ITGB1BP1: variants seen among roughly 807,000 people sequenced by gnomAD.
ITGB1BP1 encodes integrin beta-1-binding protein 1.
In ITGB1BP1, 20 loss-of-function variants were observed where a neutral mutation model predicts 28.0. The ratio of observed to expected loss-of-function variants is 0.71; its 90% CI spans 0.50 to 1.04. ITGB1BP1 has a LOEUF of 1.04. ITGB1BP1 is among the 50% of genes least tolerant of loss of function. The pLI is 0.00. For synonymous variants in ITGB1BP1, 103 were observed against 89.5 expected (o/e 1.15, Z -0.85); for missense variants, 228 against 242.5 (o/e 0.94, Z 0.40).
intron 2 of ITGB1BP1, among the ~76,000 whole-genome samples, chr2:9,416,747 G>A (rs530401206): frequency 3.9e-5 from 6 of 152,298 alleles, no homozygotes; most frequent in African/African-American, 1.4e-4. Context: ...AGCAGTATCT[G>A]TCATTACCTC....
At position 9,405,858 on chromosome 2, in the gene ITGB1BP1, A is replaced by G. The variant is rs906467558; in HGVS notation, c.*976T>C. On this transcript the variant is annotated 3_prime_UTR_variant, in exon 7 of 7. Transcript: ENST00000355346. ...GGCCAGCATGTTATCTTGACCAGAC[A>G]CTTCTGAAAATCTGCTTTGTGTGTC... is the stretch of plus-strand genomic sequence containing the variant. The G allele has an allele frequency of 6.6e-6, 1 of 152,194 alleles. No homozygotes were observed. Among genetic ancestry groups the G allele is most frequent in the Non-Finnish European group, 1.5e-5 (1 of 68,048 alleles). The allele number at this position is 152,194 out of a possible 1,614,324, so 9.4% of individuals were successfully genotyped here. A position where few individuals can be genotyped will look rare whatever the true frequency, so the allele number is the denominator to read the frequency against.
intron 4 of ITGB1BP1, among the ~76,000 whole-genome samples, chr2:9,410,832 T>C (rs1678273703): frequency 6.6e-6 from 1 of 152,020 alleles, no homozygotes; most frequent in Non-Finnish European, 1.5e-5. Flanking sequence ...CTACTCTGCC[T>C]CCCCCAAAAT....
intron 1 of ITGB1BP1, chr2:9,420,063 T>C: frequency 1.0e-6 from 1 of 984,482 alleles, no homozygotes; most frequent in Non-Finnish European, 1.2e-6. Flanking sequence ...TTTCCTTTCA[T>C]TCTGACCTGG....
chr2:9,407,967 T>C lies in ITGB1BP1; in HGVS notation c.381+146A>G, dbSNP rs141726391. On this transcript the variant is annotated intron_variant, in intron 5 of 6. Transcript: ENST00000355346. ...GGAAGCCCCTATTCACCTTAAGAAATTGGTCACGTTTAAGACCAACTGCCA... is the reference window on the plus strand; with the variant it reads ...GGAAGCCCCTATTCACCTTAAGAAACTGGTCACGTTTAAGACCAACTGCCA... 1.5e-4 allele frequency: 89 copies of C among 608,334 alleles called. No individual in the cohort carries two copies. In the Middle Eastern group the frequency reaches 1.8e-3, roughly 12 times the overall value. 37.7% of individuals were successfully genotyped at this position (608,334 alleles called of 1,614,324 possible). A position where few individuals can be genotyped will look rare whatever the true frequency, so the allele number is the denominator to read the frequency against.
At chr2:9,413,489 C>T (rs951175549) in intron 3 of ITGB1BP1, among the ~76,000 whole-genome samples, 49 of 152,038 alleles carry the variant, frequency 3.2e-4, no homozygotes, top group African/African-American at 9.9e-4. Context: ...CCACCACGCC[C>T]GGCTAATTTT....
intron 5 of ITGB1BP1, 175 bp downstream of exon 5, chr2:9,407,938 A>G: frequency 1.7e-6 from 1 of 588,960 alleles, no homozygotes; most frequent in Non-Finnish European, 3.0e-6. Flanking sequence ...CACAGGAGAG[A>G]AAAGGAAGCC....
chr2:9,406,724 C>T lies in ITGB1BP1; in HGVS notation c.*110G>A, dbSNP rs1186946118. The T allele has an allele frequency of 5.1e-6, 4 of 783,132 alleles. No homozygotes were observed. Among genetic ancestry groups the T allele is most frequent in the Middle Eastern group, 2.3e-4 (1 of 4,356 alleles). 48.5% of individuals were successfully genotyped at this position (783,132 alleles called of 1,614,324 possible). On this transcript the variant is annotated 3_prime_UTR_variant, in exon 7 of 7. Transcript: ENST00000355346. The stretch of plus-strand genomic sequence containing the variant: ...AGCATTTTACACAATCCATTTTCTT[C>T]AGAAAATCTAGAGCAAGGGATAACT...
At chr2:9,407,371 C>T (rs1677621886) in intron 6 of ITGB1BP1, 78 bp downstream of exon 6, 2 of 1,487,174 alleles carry the variant, frequency 1.3e-6, no homozygotes, top group Non-Finnish European at 9.3e-7. Flanking sequence ...GATTGTATTT[C>T]TTCAGCCTTC....
At chr2:9,410,814 T>A (rs536094110) in intron 4 of ITGB1BP1, among the ~76,000 whole-genome samples, 1 of 152,118 alleles carries the variant, frequency 6.6e-6, no homozygotes, top group Non-Finnish European at 1.5e-5. Context: ...TGGGTTCAGG[T>A]GATCCCCCTA....
chr2:9,406,985 C>T (rs1677503601), intron 6 of ITGB1BP1, 80 bp from the exon 7 acceptor site: 2 of 1,049,376 alleles, frequency 1.9e-6, no homozygotes, highest in Admixed American at 1.7e-5. Flanking sequence ...GAGGCACACA[C>T]CTGACCCTCT....
chr2:9,408,033 C>T (rs1677778863), intron 5 of ITGB1BP1, 80 bp downstream of exon 5: 1 of 786,074 alleles, frequency 1.3e-6, no homozygotes, highest in South Asian at 1.6e-5. Context: ...CAGGAGTGGC[C>T]CTAATTATAA....
intron 3 of ITGB1BP1, among the ~76,000 whole-genome samples, chr2:9,413,001 C>T (rs763918459): frequency 9.9e-5 from 15 of 152,226 alleles, no homozygotes; most frequent in South Asian, 2.1e-4. Context: ...ATTCTCTTAA[C>T]GTAACAGCAA....
At chr2:9,422,337 T>C (rs1293442514) in intron 1 of ITGB1BP1, 9 of 924,292 alleles carry the variant, frequency 9.7e-6, no homozygotes, top group Non-Finnish European at 1.2e-5. Flanking sequence ...ACCTTTCCAC[T>C]TCCATCCTCC....
intron 2 of ITGB1BP1, among the ~76,000 whole-genome samples, chr2:9,416,020 T>C (rs532154404): frequency 6.8e-4 from 104 of 152,326 alleles, no homozygotes; most frequent in Non-Finnish European, 1.2e-3. Flanking sequence ...ACCCCGGTCC[T>C]GGGACTGAGT....
chr2:9,411,813 C>A (rs528943144), intron 4 of ITGB1BP1, among the ~76,000 whole-genome samples: 1 of 151,804 alleles, frequency 6.6e-6, no homozygotes, highest in South Asian at 2.1e-4. Context: ...GAGGCCAAGG[C>A]GGGAAGATCA....
intron 1 of ITGB1BP1, among the ~76,000 whole-genome samples, chr2:9,422,287 A>T (rs960309715): frequency 5.9e-5 from 9 of 152,238 alleles, no homozygotes; most frequent in Non-Finnish European, 1.3e-4. Context: ...AACGTTCTTC[A>T]GCACGACACG....
Position 9,421,686 on chromosome 2 carries a change from C to CAAAAA in ITGB1BP1, c.-36+1682_-36+1686dup, listed in dbSNP as rs200781388. ...TGGACGAAAGAGCGAGACTCCGTCTCAAAAAAAAAAAAAAAAAATTATTCA... is the reference window on the plus strand; with the variant it reads ...TGGACGAAAGAGCGAGACTCCGTCTCAAAAAAAAAAAAAAAAAAAAAAATTATTCA... On this transcript the variant is annotated intron_variant, in intron 1 of 6. Transcript: ENST00000355346. Among the ~76,000 whole-genome samples the CAAAAA allele has an allele frequency of 2.2e-3, 175 of 78,772 alleles. 1 individual carries two copies. Among genetic ancestry groups the CAAAAA allele is most frequent in the African/African-American group, 6.7e-3 (157 of 23,406 alleles). The allele number at this position is 78,772 out of a possible 152,430, so 51.7% of individuals were successfully genotyped here.
Position 9,406,919 on chromosome 2 carries a change from AAGAT to A in ITGB1BP1, c.532-18_532-15del, listed in dbSNP as rs758706800. ...TTGTGCTTGTTCCTACATTACATGA[AAGAT>A]AGAGTAAGAGCAACATTCATCTGTC... On this transcript the variant is annotated splice_polypyrimidine_tract_variant and intron_variant, in intron 6 of 6. Transcript: ENST00000355346. 5.7e-6 allele frequency: 9 copies of A among 1,579,226 alleles called. No individual in the cohort carries two copies. The highest frequency in any genetic ancestry group is 7.8e-6 in the Non-Finnish European group (9 of 1,148,168).
At chr2:9,409,839 T>TTA (rs1678074139) in intron 4 of ITGB1BP1, among the ~76,000 whole-genome samples, 1 of 140,906 alleles carries the variant, frequency 7.1e-6, no homozygotes. Context: ...CTACCGTGAG[T>TTA]TCTTTTTTTT....
Sources: gnomAD v4.1 joint callset for allele counts (sites outside exome capture counted in the v4.1 genomes callset) on GRCh38, gnomAD v4.1.1 for gene constraint, MANE v1.5 for transcripts, NCBI Gene and HGNC (gene_info 2026-07-23, HGNC 2026-07-21) for gene names.